The following RAB28 variants were observed in gnomAD, a reference collection of about 807,000 sequenced individuals.
RAB28 encodes the protein ras-related protein Rab-28.
Under a neutral mutation model 31.7 loss-of-function variants are expected in RAB28, and 24 were observed. The observed-to-expected ratio is 0.76, with a 90% CI of 0.55 to 1.06. RAB28 has a LOEUF of 1.06. RAB28 is among the 50% of genes least tolerant of loss of function. The pLI is 0.00. For missense variants in RAB28, 254 were observed against 258.5 expected (o/e 0.98, Z 0.12); for synonymous variants, 100 against 90.4 (o/e 1.11, Z -0.60).
chr4:13,370,109 T>TCA (rs1728664500), intron 6 of RAB28: 10 of 1,410,200 alleles, frequency 7.1e-6, no homozygotes, highest in South Asian at 1.6e-5. Context: ...TAAACATGTC[T>TCA]CACACACACA....
At chr4:13,459,764 A>C in intron 4 of RAB28, 5 of 1,111,062 alleles carry the variant, frequency 4.5e-6, no homozygotes, top group Non-Finnish European at 5.6e-6. Context: ...GAAACAATGC[A>C]TATAAAATTC....
intron 4 of RAB28, among the ~76,000 whole-genome samples, chr4:13,459,418 C>G (rs546767821): frequency 2.0e-4 from 30 of 152,274 alleles, no homozygotes; most frequent in African/African-American, 7.2e-4. Flanking sequence ...TACTCTATAA[C>G]GTTCACACAA....
At chr4:13,468,259 T>C (rs1449982828) in intron 3 of RAB28, among the ~76,000 whole-genome samples, 1 of 152,042 alleles carries the variant, frequency 6.6e-6, no homozygotes, top group African/African-American at 2.4e-5. Context: ...TTGACATTTA[T>C]AGACTACGGT....
At chr4:13,371,670 T>C (rs1728718064) in intron 6 of RAB28, 1 of 1,483,920 alleles carries the variant, frequency 6.7e-7, no homozygotes, top group Non-Finnish European at 8.9e-7. Flanking sequence ...AATTTCACTT[T>C]CTATGATTAG....
Position 13,469,459 on chromosome 4 carries a change from T to C in RAB28, c.261+4859A>G, listed in dbSNP as rs114489660. 4.6e-3 allele frequency among the ~76,000 whole-genome samples: 695 copies of C among 152,172 alleles called. 6 individuals carry two copies. Among genetic ancestry groups the C allele is most frequent in the African/African-American group, 0.016 (663 of 41,540 alleles). ...TTTGGAAATCAGATTTCAAGTTTAA[T>C]AAATCCCTCTTCAACAATAGTTTCC... On this transcript the variant is annotated intron_variant, in intron 3 of 6. Transcript: ENST00000330852.
At chr4:13,425,785 T>A (rs1016139360) in intron 4 of RAB28, among the ~76,000 whole-genome samples, 2 of 152,190 alleles carry the variant, frequency 1.3e-5, no homozygotes, top group Non-Finnish European at 2.9e-5. Flanking sequence ...GTATTGTTTG[T>A]TTGTTTTGGT....
chr4:13,384,935 G>A (rs950258022), intron 4 of RAB28, among the ~76,000 whole-genome samples: 3 of 152,214 alleles, frequency 2.0e-5, no homozygotes, highest in Admixed American at 6.5e-5. Flanking sequence ...GCAGGAGTAT[G>A]TTGAAACCCA....
Position 13,460,750 on chromosome 4 carries a change from C to T in RAB28, c.340G>A (p.Val114Met). ...GGCTGAGTTTCTGACTCCTCGCTCA[C>T]TTTCTTCACCACAGTATACCAATCT... The part of the protein sequence containing the change: ...LEDWYTVVKK[V>M]SEESETQPLV... Residue 114 changes from valine to methionine, a missense_variant, in exon 4 of 7, where the codon GTG becomes ATG. Coordinates refer to ENST00000330852, the MANE Select transcript of RAB28 (RefSeq NM_001017979.3). 1.9e-6 allele frequency: 3 copies of T among 1,614,094 alleles called. No homozygotes were observed. Among genetic ancestry groups the T allele is most frequent in the Non-Finnish European group, 2.5e-6 (3 of 1,179,966 alleles).
intron 4 of RAB28, among the ~76,000 whole-genome samples, chr4:13,420,892 G>C (rs1713093455): frequency 6.6e-6 from 1 of 152,196 alleles, no homozygotes; most frequent in Admixed American, 6.5e-5. Context: ...CATAGTGTTG[G>C]AAGTTCTGGC....
At chr4:13,465,873 C>T (rs1049920892) in intron 3 of RAB28, among the ~76,000 whole-genome samples, 1 of 151,632 alleles carries the variant, frequency 6.6e-6, no homozygotes, top group Non-Finnish European at 1.5e-5. Context: ...AAAAAATAGA[C>T]ACATTAACCA....
chr4:13,449,435 A>AT (rs1329613681), intron 4 of RAB28, among the ~76,000 whole-genome samples: 2 of 151,978 alleles, frequency 1.3e-5, no homozygotes, highest in Non-Finnish European at 2.9e-5. Flanking sequence ...TATTGAGACC[A>AT]TAAGTAAAAT....
At chr4:13,470,177 A>G (rs951661506) in intron 3 of RAB28, among the ~76,000 whole-genome samples, 3 of 152,112 alleles carry the variant, frequency 2.0e-5, no homozygotes, top group African/African-American at 4.8e-5. Flanking sequence ...TCTCTCTAAT[A>G]CGCAAGACAA....
At chr4:13,405,006 T>G (rs1172331413) in intron 4 of RAB28, among the ~76,000 whole-genome samples, 1 of 152,084 alleles carries the variant, frequency 6.6e-6, no homozygotes, top group Admixed American at 6.6e-5. Context: ...TAAAGATTTT[T>G]AAACCCCACA....
At chr4:13,416,835 T>C (rs1043374269) in intron 4 of RAB28, among the ~76,000 whole-genome samples, 2 of 152,270 alleles carry the variant, frequency 1.3e-5, no homozygotes, top group East Asian at 3.9e-4. Context: ...CAGAAGATGG[T>C]GATTTCTGCA....
chr4:13,422,183 A>C (rs577941222), intron 4 of RAB28, among the ~76,000 whole-genome samples: 83 of 152,352 alleles, frequency 5.4e-4, no homozygotes, highest in Middle Eastern at 3.4e-3. Flanking sequence ...AGAGAAATGC[A>C]AATCAAAACC....
At chr4:13,434,944 G>A (rs1481827764) in intron 4 of RAB28, among the ~76,000 whole-genome samples, 1 of 150,256 alleles carries the variant, frequency 6.7e-6, no homozygotes, top group Admixed American at 6.6e-5. Context: ...ACTTGAACCC[G>A]GGAGGTGGAG....
intron 1 of RAB28, among the ~76,000 whole-genome samples, chr4:13,483,082 T>C (rs1004273388): frequency 1.3e-5 from 2 of 152,144 alleles, no homozygotes; most frequent in Non-Finnish European, 2.9e-5. Flanking sequence ...TTGGCGCCTT[T>C]GACAGAAGCA....
chr4:13,454,781 A>G (rs1379085), intron 4 of RAB28, among the ~76,000 whole-genome samples: 116,429 of 152,094 alleles, frequency 0.77, 46,370 homozygotes, highest in East Asian at 0.92. Context: ...TGGGGGCATA[A>G]GTGCACAGCT....
chr4:13,441,021 A>G (rs1464493551), intron 4 of RAB28, among the ~76,000 whole-genome samples: 7 of 152,098 alleles, frequency 4.6e-5, no homozygotes, highest in African/African-American at 1.4e-4. Flanking sequence ...GTTTGAATAC[A>G]TAAGTGGGAA....
Sources: gnomAD v4.1 joint callset for allele counts (sites outside exome capture counted in the v4.1 genomes callset) on GRCh38, gnomAD v4.1.1 for gene constraint, MANE v1.5 for transcripts, NCBI Gene and HGNC (gene_info 2026-07-23, HGNC 2026-07-21) for gene names.